Variants in ARHGEF7 observed in about 807,000 individuals in gnomAD.
ARHGEF7 encodes PAK-interacting exchange factor beta.
ARHGEF7 carries 33 observed loss-of-function variants against 109.8 expected under a neutral mutation model. The observed-to-expected ratio is 0.30, with a 90% CI of 0.23 to 0.40. The LOEUF (loss-of-function observed/expected upper bound fraction) is 0.40, where lower values mean the gene tolerates loss of function less well. Ranked by LOEUF, ARHGEF7 falls within the 10% of genes least tolerant of loss-of-function variation. The pLI, the probability that ARHGEF7 is intolerant of heterozygous loss-of-function variation, is 1.00. For missense variants in ARHGEF7, 938 were observed against 1,098.5 expected, an observed-to-expected ratio of 0.85 and a Z score of 2.07; for synonymous variants, 458 against 424.6, an observed-to-expected ratio of 1.08 and a Z score of -0.97.
At chr13:111,297,740 G>T (rs946039572) in intron 19 of ARHGEF7, among the ~76,000 whole-genome samples, 9 of 152,172 alleles carry the variant, frequency 5.9e-5, no homozygotes, top group Non-Finnish European at 1.5e-5. Context: ...CACAACTCCC[G>T]TACGGAAGTC....
intron 10 of ARHGEF7, among the ~76,000 whole-genome samples, chr13:111,274,522 T>G (rs1159916913): frequency 6.6e-6 from 1 of 152,232 alleles, no homozygotes; most frequent in African/African-American, 2.4e-5. Context: ...CCACCCCTGC[T>G]GCTTGTGACT....
At chr13:111,297,086 T>C (rs979023586) in intron 19 of ARHGEF7, among the ~76,000 whole-genome samples, 3 of 152,264 alleles carry the variant, frequency 2.0e-5, no homozygotes, top group Non-Finnish European at 4.4e-5. Context: ...GATAACTTGT[T>C]AAATCTGCTT....
chr13:111,211,395 TCTG>T (rs2082475334), intron 4 of ARHGEF7, among the ~76,000 whole-genome samples: 1 of 151,946 alleles, frequency 6.6e-6, no homozygotes, highest in Non-Finnish European at 1.5e-5. Context: ...GCAATTTTCA[TCTG>T]ATTTTTTTTT....
chr13:111,280,148 T>C, intron 13 of ARHGEF7, 124 bp from the exon 14 acceptor site: 1 of 991,610 alleles, frequency 1.0e-6, no homozygotes, highest in Non-Finnish European at 1.5e-6. Flanking sequence ...AATGAGCTTT[T>C]TTTGGTTCAC....
intron 1 of ARHGEF7, among the ~76,000 whole-genome samples, chr13:111,116,813 T>C (rs1223729157): frequency 6.6e-6 from 1 of 152,238 alleles, no homozygotes; most frequent in Non-Finnish European, 1.5e-5. Flanking sequence ...TTAAATGAGG[T>C]CAGAAAACAT....
At chr13:111,250,908 G>A (rs144705974) in intron 8 of ARHGEF7, among the ~76,000 whole-genome samples, 89 of 152,346 alleles carry the variant, frequency 5.8e-4, no homozygotes, top group African/African-American at 2.0e-3. Context: ...TCTGGGTGCA[G>A]CACCTCCGTG....
intron 5 of ARHGEF7, among the ~76,000 whole-genome samples, chr13:111,231,980 AGCCCTG>A (rs1383870618): frequency 6.6e-6 from 1 of 152,192 alleles, no homozygotes; most frequent in Non-Finnish European, 1.5e-5. Flanking sequence ...ACTGCTCTGT[AGCCCTG>A]GAAAACCAGT....
intron 2 of ARHGEF7, among the ~76,000 whole-genome samples, chr13:111,159,419 T>A (rs1006841452): frequency 1.3e-5 from 2 of 152,220 alleles, no homozygotes; most frequent in Non-Finnish European, 2.9e-5. Flanking sequence ...GATTGCTGGA[T>A]CATATGATAA....
At chr13:111,236,351 CT>C (rs2086826568) in intron 6 of ARHGEF7, among the ~76,000 whole-genome samples, 1 of 152,172 alleles carries the variant, frequency 6.6e-6, no homozygotes, top group Admixed American at 6.5e-5. Context: ...TTGACTGCTT[CT>C]TTTTTTCTTG....
At chr13:111,285,448 C>T (rs1466093748) in intron 16 of ARHGEF7, among the ~76,000 whole-genome samples, 1 of 152,152 alleles carries the variant, frequency 6.6e-6, no homozygotes, top group African/African-American at 2.4e-5. Context: ...TGACACCTTA[C>T]CTGCTCTGTT....
intron 14 of ARHGEF7, 45 bp downstream of exon 14, chr13:111,280,395 G>T (rs1279868696): frequency 1.3e-6 from 2 of 1,587,824 alleles, no homozygotes; most frequent in Non-Finnish European, 1.7e-6. Flanking sequence ...GGGGAGGAGA[G>T]GCAGCTTGTC....
intron 19 of ARHGEF7, 34 bp from the exon 20 acceptor site, chr13:111,300,714 C>G: frequency 7.0e-7 from 1 of 1,430,010 alleles, no homozygotes; most frequent in Non-Finnish European, 9.7e-7. Context: ...TGGTATTCGC[C>G]TGAGGTTTAT....
intron 2 of ARHGEF7, among the ~76,000 whole-genome samples, chr13:111,165,054 C>T (rs1446223975): frequency 6.6e-6 from 1 of 152,152 alleles, no homozygotes; most frequent in Non-Finnish European, 1.5e-5. Context: ...TCAGCTTGAA[C>T]TTACCAATCA....
chr13:111,146,531 C>A (rs2075602530), intron 1 of ARHGEF7, among the ~76,000 whole-genome samples: 2 of 152,228 alleles, frequency 1.3e-5, no homozygotes, highest in Admixed American at 6.5e-5. Flanking sequence ...GAATCAGAAT[C>A]TCCCTGGGGA....
At chr13:111,253,828 T>G (rs1461204449) in intron 8 of ARHGEF7, among the ~76,000 whole-genome samples, 2 of 152,210 alleles carry the variant, frequency 1.3e-5, no homozygotes, top group African/African-American at 4.8e-5. Flanking sequence ...TTTGGCGATG[T>G]TCAGGGCCAC....
At chr13:111,290,529 GTGAGGGCCGAC>G (rs1348182111) in intron 18 of ARHGEF7, among the ~76,000 whole-genome samples, 1 of 152,140 alleles carries the variant, frequency 6.6e-6, no homozygotes, top group Non-Finnish European at 1.5e-5. Context: ...TCCCCTGTGG[GTGAGGGCCGAC>G]TGAGGGCTGA....
At chr13:111,207,257 C>A (rs1253456978) in intron 3 of ARHGEF7, among the ~76,000 whole-genome samples, 1 of 152,226 alleles carries the variant, frequency 6.6e-6, no homozygotes, top group East Asian at 1.9e-4. Flanking sequence ...AAGCCTCAGC[C>A]TCCTGGGCTC....
chr13:111,265,149 AAG>A (rs1236520223), intron 8 of ARHGEF7, among the ~76,000 whole-genome samples: 1 of 147,196 alleles, frequency 6.8e-6, no homozygotes, highest in Non-Finnish European at 1.5e-5. Flanking sequence ...AAAAAAAAAG[AAG>A]ACCCATTGTG....
intron 2 of ARHGEF7, among the ~76,000 whole-genome samples, chr13:111,165,507 C>A (rs1314176815): frequency 3.3e-5 from 5 of 152,124 alleles, no homozygotes; most frequent in African/African-American, 9.7e-5. Context: ...TTTTGCCTAA[C>A]GTGAAAATAC....
Sources: allele counts gnomAD v4.1 joint callset (sites outside exome capture counted in the v4.1 genomes callset), GRCh38; gene constraint gnomAD v4.1.1; transcripts MANE v1.5; gene names NCBI Gene and HGNC (gene_info 2026-07-23, HGNC 2026-07-21).